The following MAML3 variants were observed in gnomAD, a reference collection of about 807,000 sequenced individuals.
MAML3 encodes the protein mastermind-like protein 3.
In MAML3, 27 loss-of-function variants were observed where a neutral mutation model predicts 101.9. The ratio of observed to expected loss-of-function variants is 0.27; its 90% CI spans 0.20 to 0.37. The LOEUF (loss-of-function observed/expected upper bound fraction) is 0.37. MAML3 is among the 10% of genes least tolerant of loss of function. The pLI, the probability that MAML3 is intolerant of heterozygous loss-of-function variation, is 1.00. For synonymous variants in MAML3, 501 were observed against 555.9 expected, an observed-to-expected ratio of 0.90 and a Z score of 1.39; for missense variants, 1,316 against 1,444.9, an observed-to-expected ratio of 0.91 and a Z score of 1.45.
At chr4:139,732,461 C>A (rs1728762977) in intron 2 of MAML3, among the ~76,000 whole-genome samples, 1 of 152,116 alleles carries the variant, frequency 6.6e-6, no homozygotes, top group African/African-American at 2.4e-5. Flanking sequence ...CAAACCAAAA[C>A]GCTACTCCTC....
intron 1 of MAML3, among the ~76,000 whole-genome samples, chr4:139,985,445 T>C (rs1039014667): frequency 1.3e-5 from 2 of 152,240 alleles, no homozygotes; most frequent in African/African-American, 2.4e-5. Context: ...ATTATTACAA[T>C]AATCTATGCA....
intron 2 of MAML3, among the ~76,000 whole-genome samples, chr4:139,750,460 G>A (rs548333975): frequency 2.9e-4 from 44 of 152,290 alleles, no homozygotes; most frequent in African/African-American, 9.6e-4. Context: ...AATGGCCTTT[G>A]GTGCAGTTTT....
At chr4:139,964,198 T>C (rs1224484184) in intron 1 of MAML3, among the ~76,000 whole-genome samples, 1 of 152,118 alleles carries the variant, frequency 6.6e-6, no homozygotes, top group Non-Finnish European at 1.5e-5. Flanking sequence ...CAAATGCCCA[T>C]CAATGATAGA....
At chr4:139,914,081 T>A (rs1003392491) in intron 1 of MAML3, among the ~76,000 whole-genome samples, 3 of 152,178 alleles carry the variant, frequency 2.0e-5, no homozygotes, top group Non-Finnish European at 4.4e-5. Context: ...GTATATATAT[T>A]TTTAAAAGCA....
At chr4:139,825,306 A>C (rs1731043286) in intron 2 of MAML3, among the ~76,000 whole-genome samples, 1 of 152,112 alleles carries the variant, frequency 6.6e-6, no homozygotes, top group Non-Finnish European at 1.5e-5. Context: ...GGAGATGTCT[A>C]TTTACTTTCT....
intron 2 of MAML3, among the ~76,000 whole-genome samples, chr4:139,763,593 A>C (rs1396285883): frequency 7.4e-6 from 1 of 135,404 alleles, no homozygotes; most frequent in East Asian, 2.1e-4. Flanking sequence ...ATCTAACTAA[A>C]AAATCCTGTT....
intron 2 of MAML3, among the ~76,000 whole-genome samples, chr4:139,736,038 G>A (rs1417724416): frequency 6.6e-6 from 1 of 152,170 alleles, no homozygotes; most frequent in Non-Finnish European, 1.5e-5. Flanking sequence ...TTCGTGGCAG[G>A]AAAGAGTAAA....
Position 139,777,034 on chromosome 4 carries a change from AG to A in MAML3, c.2080-46368del, listed in dbSNP as rs547575283. Among the ~76,000 whole-genome samples the A allele has an allele frequency of 3.5e-3, 535 of 152,276 alleles. 4 individuals are homozygous for A. Among genetic ancestry groups the A allele is most frequent in the African/African-American group, 0.012 (504 of 41,540 alleles). ...ACAGTGACTGTATTCAAATATAGGA[AG>A]GGTTTTGGAGGGACACTCATCCACT... On this transcript the variant is annotated intron_variant, in intron 2 of 4. Coordinates refer to ENST00000509479, the MANE Select transcript of MAML3 (RefSeq NM_018717.5).
chr4:139,950,201 C>T (rs540825491), intron 1 of MAML3, among the ~76,000 whole-genome samples: 5 of 152,086 alleles, frequency 3.3e-5, no homozygotes, highest in Admixed American at 6.6e-5. Context: ...CCACCATGCC[C>T]GGCTAATTTT....
chr4:139,918,048 T>C (rs2111231136), intron 1 of MAML3, among the ~76,000 whole-genome samples: 1 of 152,288 alleles, frequency 6.6e-6, no homozygotes. Flanking sequence ...ACGCTGTGTC[T>C]GTGTGGCCAG....
At chr4:139,823,950 C>G (rs1039327172) in intron 2 of MAML3, among the ~76,000 whole-genome samples, 3 of 151,938 alleles carry the variant, frequency 2.0e-5, no homozygotes, top group Non-Finnish European at 4.4e-5. Flanking sequence ...AAATATTTAC[C>G]CTCACCCCAA....
intron 1 of MAML3, among the ~76,000 whole-genome samples, chr4:139,974,044 G>A (rs986509864): frequency 1.3e-5 from 2 of 151,668 alleles, no homozygotes; most frequent in Admixed American, 6.6e-5. Flanking sequence ...ATGAATTAAC[G>A]GCCTACAACG....
intron 1 of MAML3, among the ~76,000 whole-genome samples, chr4:139,975,309 G>T (rs1449889707): frequency 6.6e-6 from 1 of 151,996 alleles, no homozygotes; most frequent in Non-Finnish European, 1.5e-5. Flanking sequence ...TCTTTCCTCA[G>T]GTATCTCCAT....
intron 2 of MAML3, among the ~76,000 whole-genome samples, chr4:139,829,432 A>G (rs1731124253): frequency 6.6e-6 from 1 of 152,128 alleles, no homozygotes; most frequent in South Asian, 2.1e-4. Context: ...GTGTTTGAGG[A>G]ACTGGCGTGG....
intron 2 of MAML3, among the ~76,000 whole-genome samples, chr4:139,791,717 C>A (rs1730419046): frequency 6.6e-6 from 1 of 152,162 alleles, no homozygotes; most frequent in Admixed American, 6.5e-5. Context: ...AACCACTGAG[C>A]TATTTGGTCA....
At chr4:139,769,916 C>CTTTTTTTTTTTTTTTTTT (rs139445743) in intron 2 of MAML3, among the ~76,000 whole-genome samples, 5 of 132,294 alleles carry the variant, frequency 3.8e-5, no homozygotes, top group African/African-American at 1.2e-4. Flanking sequence ...CGCCCAGCCT[C>CTTTTTTTTTTTTTTTTTT]TTTTTTTTTT....
At chr4:140,062,478 G>A (rs1276847057) in intron 1 of MAML3, among the ~76,000 whole-genome samples, 1 of 152,182 alleles carries the variant, frequency 6.6e-6, no homozygotes, top group African/African-American at 2.4e-5. Context: ...CTGTGATGGA[G>A]GCTAAGGTTT....
chr4:139,763,557 C>T (rs545512344), intron 2 of MAML3, among the ~76,000 whole-genome samples: 1 of 151,992 alleles, frequency 6.6e-6, no homozygotes, highest in Non-Finnish European at 1.5e-5. Context: ...ACTTCAATTG[C>T]CAAAATAAAC....
At chr4:139,829,027 ACG>A (rs1731116065) in intron 2 of MAML3, among the ~76,000 whole-genome samples, 1 of 142,172 alleles carries the variant, frequency 7.0e-6, no homozygotes, top group Non-Finnish European at 1.6e-5. Flanking sequence ...GGAAGGACGG[ACG>A]GACGGACTAA....
Sources: gnomAD v4.1 joint callset for allele counts (sites outside exome capture counted in the v4.1 genomes callset) on GRCh38, gnomAD v4.1.1 for gene constraint, MANE v1.5 for transcripts, NCBI Gene and HGNC (gene_info 2026-07-23, HGNC 2026-07-21) for gene names.